PTPRM: variants seen among roughly 807,000 people sequenced by gnomAD.
The protein encoded by PTPRM is receptor-type tyrosine-protein phosphatase mu.
In PTPRM, 47 loss-of-function variants were observed where a neutral mutation model predicts 186.7. That is an observed-to-expected ratio of 0.25 (90% confidence interval 0.20 to 0.32). The LOEUF (loss-of-function observed/expected upper bound fraction) is 0.32, where lower values mean the gene tolerates loss of function less well. PTPRM is among the 10% of genes least tolerant of loss of function. PTPRM has a pLI of 1.00. For missense variants in PTPRM, 1,494 were observed against 1,865.0 expected, an observed-to-expected ratio of 0.80 and a Z score of 3.66; for synonymous variants, 668 against 674.9, an observed-to-expected ratio of 0.99 and a Z score of 0.16.
intron 11 of PTPRM, 36 bp from the exon 12 acceptor site, chr18:8,113,450 C>T: frequency 6.3e-7 from 1 of 1,589,504 alleles, no homozygotes; most frequent in Non-Finnish European, 8.6e-7. Context: ...GTTCAGTTAT[C>T]ATAAAATATC....
At chr18:7,875,955 G>A (rs1175646381) in intron 2 of PTPRM, among the ~76,000 whole-genome samples, 1 of 152,162 alleles carries the variant, frequency 6.6e-6, no homozygotes, top group African/African-American at 2.4e-5. Flanking sequence ...TGTATAGCAT[G>A]TGACTGTATT....
chr18:8,277,487 G>C (rs62091341), intron 19 of PTPRM, among the ~76,000 whole-genome samples: 1 of 152,050 alleles, frequency 6.6e-6, no homozygotes, highest in South Asian at 2.1e-4. Flanking sequence ...TTTCTTTTGC[G>C]TGTAAATGTT....
chr18:8,088,651 C>A, intron 10 of PTPRM, 98 bp from the exon 11 acceptor site: 1 of 945,094 alleles, frequency 1.1e-6, no homozygotes, highest in Non-Finnish European at 1.7e-6. Flanking sequence ...AAAGTAAATG[C>A]ACTGTGTTCT....
intron 8 of PTPRM, among the ~76,000 whole-genome samples, chr18:8,070,586 C>A (rs548234719): frequency 2.8e-4 from 43 of 152,148 alleles, no homozygotes; most frequent in African/African-American, 8.7e-4. Flanking sequence ...TCACCAGTAA[C>A]GCATCAAAAA....
intron 13 of PTPRM, among the ~76,000 whole-genome samples, chr18:8,139,404 C>T (rs1488698355): frequency 2.0e-5 from 3 of 152,184 alleles, no homozygotes; most frequent in Admixed American, 6.5e-5. Flanking sequence ...CCTGCATCTT[C>T]GTAATAGCCT....
At chr18:7,658,357 T>TATAC (rs532716399) in intron 1 of PTPRM, among the ~76,000 whole-genome samples, 2 of 138,102 alleles carry the variant, frequency 1.4e-5, no homozygotes, top group East Asian at 4.5e-4. Context: ...TATATATATA[T>TATAC]ATACATACAC....
chr18:8,311,304 C>T (rs1050945836), intron 20 of PTPRM, among the ~76,000 whole-genome samples: 16 of 150,422 alleles, frequency 1.1e-4, no homozygotes, highest in African/African-American at 2.5e-4. Context: ...AACAAAACTC[C>T]GTCTCAAAAA....
At chr18:7,738,532 T>G (rs1054345798) in intron 1 of PTPRM, among the ~76,000 whole-genome samples, 3 of 151,512 alleles carry the variant, frequency 2.0e-5, no homozygotes, top group African/African-American at 7.3e-5. Context: ...GCCTCCCGGG[T>G]TCATGCCATT....
chr18:8,087,225 T>G (rs980777748), intron 10 of PTPRM, among the ~76,000 whole-genome samples: 14 of 152,220 alleles, frequency 9.2e-5, no homozygotes, highest in Non-Finnish European at 1.8e-4. Context: ...TTTAAGAAAT[T>G]TTTCCCATGT....
chr18:7,925,753 G>C (rs1265554658), intron 4 of PTPRM, among the ~76,000 whole-genome samples: 1 of 152,108 alleles, frequency 6.6e-6, no homozygotes. Flanking sequence ...GTTATAATAA[G>C]GAAATGTTTT....
At chr18:8,080,499 C>T (rs1245563784) in intron 9 of PTPRM, among the ~76,000 whole-genome samples, 2 of 152,142 alleles carry the variant, frequency 1.3e-5, no homozygotes, top group East Asian at 1.9e-4. Context: ...CTTAGGGACT[C>T]AATACATGAG....
rs559296162 is a variant in PTPRM, at chr18:7,941,048, C to T, written c.664-8133C>T. Among the ~76,000 whole-genome samples, 17 of 152,272 alleles carry T rather than the reference C, an allele frequency of 1.1e-4. No individual in the cohort carries two copies. The South Asian group carries it at 3.3e-3, about 30-fold the overall frequency. ...AAGTACTGGTGACTTTTACTAGTAT[C>T]CTGTGGCCCAGACATTCACATCCCA... On this transcript the variant is annotated intron_variant, in intron 5 of 32. Coordinates refer to ENST00000580170, the MANE Select transcript of PTPRM (RefSeq NM_001105244.2).
At chr18:8,398,839 A>G (rs897234087) in intron 32 of PTPRM, among the ~76,000 whole-genome samples, 3 of 152,038 alleles carry the variant, frequency 2.0e-5, no homozygotes, top group African/African-American at 7.2e-5. Flanking sequence ...TGTCTGTGAA[A>G]TGTTCAAAAC....
At chr18:7,599,980 C>G (rs2037359772) in intron 1 of PTPRM, among the ~76,000 whole-genome samples, 1 of 152,170 alleles carries the variant, frequency 6.6e-6, no homozygotes, top group Non-Finnish European at 1.5e-5. Flanking sequence ...TTGCACCCTT[C>G]TCCTGTAATG....
intron 2 of PTPRM, among the ~76,000 whole-genome samples, chr18:7,807,377 G>C (rs565303699): frequency 2.6e-5 from 4 of 152,190 alleles, no homozygotes; most frequent in Non-Finnish European, 5.9e-5. Context: ...ATATTCAGCT[G>C]TTCTTTGACA....
chr18:7,752,409 A>T (rs1248986360), intron 1 of PTPRM, among the ~76,000 whole-genome samples: 1 of 151,946 alleles, frequency 6.6e-6, no homozygotes, highest in Admixed American at 6.6e-5. Flanking sequence ...AGTAATGGTT[A>T]GTTTTAGATT....
At chr18:7,986,707 G>A (rs958484711) in intron 7 of PTPRM, among the ~76,000 whole-genome samples, 1 of 152,074 alleles carries the variant, frequency 6.6e-6, no homozygotes, top group African/African-American at 2.4e-5. Flanking sequence ...TATCTTTATA[G>A]ACACTCATTT....
At chr18:7,978,743 T>G (rs2055127451) in intron 7 of PTPRM, among the ~76,000 whole-genome samples, 1 of 152,222 alleles carries the variant, frequency 6.6e-6, no homozygotes, top group Non-Finnish European at 1.5e-5. Context: ...CAGTCTCAGC[T>G]TTAATTCTTA....
chr18:8,063,954 C>CT, intron 7 of PTPRM, among the ~76,000 whole-genome samples: 1 of 152,232 alleles, frequency 6.6e-6, no homozygotes, highest in South Asian at 2.1e-4. Context: ...GGGAGTGCTC[C>CT]TTCTAGGCTG....
Sources: allele counts gnomAD v4.1 joint callset (sites outside exome capture counted in the v4.1 genomes callset), GRCh38; gene constraint gnomAD v4.1.1; transcripts MANE v1.5; gene names NCBI Gene and HGNC (gene_info 2026-07-23, HGNC 2026-07-21).